Variants in SLCO5A1 observed in about 807,000 individuals in gnomAD.
SLCO5A1 encodes the protein solute carrier organic anion transporter family member 5A1, also known as organic anion transporter polypeptide-related protein 4.
In SLCO5A1, 39 loss-of-function variants were observed where a neutral mutation model predicts 65.1. The observed-to-expected ratio is 0.60, with a 90% CI of 0.46 to 0.78. The LOEUF (loss-of-function observed/expected upper bound fraction) is 0.78, where lower values mean the gene tolerates loss of function less well. SLCO5A1 is among the 30% of genes least tolerant of loss of function. The pLI, the probability that SLCO5A1 is intolerant of heterozygous loss-of-function variation, is 0.00. For missense variants in SLCO5A1, 1,029 were observed against 1,069.4 expected (o/e 0.96, Z 0.53); for synonymous variants, 438 against 415.7 (o/e 1.05, Z -0.65).
intron 5 of SLCO5A1, among the ~76,000 whole-genome samples, chr8:69,726,601 G>T (rs1816090675): frequency 6.7e-6 from 1 of 150,084 alleles, no homozygotes; most frequent in Admixed American, 6.7e-5. Context: ...TTGTGTACAA[G>T]CGATCCTCCC....
chr8:69,683,120 G>T (rs185199818), intron 6 of SLCO5A1, among the ~76,000 whole-genome samples: 2 of 152,290 alleles, frequency 1.3e-5, no homozygotes, highest in East Asian at 3.9e-4. Context: ...GGAAAGGCAG[G>T]TAAGGATATA....
chr8:69,685,380 A>G (rs1309484212), intron 6 of SLCO5A1, among the ~76,000 whole-genome samples: 1 of 152,236 alleles, frequency 6.6e-6, no homozygotes, highest in African/African-American at 2.4e-5. Flanking sequence ...AAAATGCACA[A>G]GGACTATTTA....
rs1460368149 is a variant in SLCO5A1, at chr8:69,831,971, C to T, written c.703G>A (p.Gly235Ser). The T allele has an allele frequency of 6.3e-7, 1 of 1,592,960 alleles. No homozygotes were observed. The highest frequency in any genetic ancestry group is 1.3e-5 in the African/African-American group (1 of 74,174). ...QELNASAPND[G>S]LCQGGNSTAT... ...GTGGAGTTGCCACCCTGACACAGGC[C>T]GTCGTTGGGGGCCGAGGCGTTCAAC... Residue 235 changes from glycine to serine, a missense_variant, in exon 2 of 10, where the codon GGC becomes AGC. Physicochemically the swap from Gly to Ser is moderately conservative, Grantham distance 56. Around this residue, in one of 3 missense-constraint regions of SLCO5A1, gnomAD observed 647 missense variants for 647.5 expected, o/e 1.00. Coordinates refer to ENST00000260126, the MANE Select transcript of SLCO5A1 (RefSeq NM_030958.3).
intron 7 of SLCO5A1, 139 bp from the exon 8 acceptor site, chr8:69,679,758 C>T (rs551903332): frequency 2.6e-5 from 32 of 1,207,688 alleles, no homozygotes; most frequent in Non-Finnish European, 3.1e-5. Flanking sequence ...ATTGAAAGTA[C>T]CTTCCTCATT....
At chr8:69,766,560 TC>T (rs1401096498) in intron 2 of SLCO5A1, among the ~76,000 whole-genome samples, 31 of 152,164 alleles carry the variant, frequency 2.0e-4, no homozygotes, top group African/African-American at 7.5e-4. Flanking sequence ...TTTTGAATGC[TC>T]TTCTGCCACA....
chr8:69,822,855 C>A (rs992175580), intron 2 of SLCO5A1, among the ~76,000 whole-genome samples: 3 of 152,150 alleles, frequency 2.0e-5, no homozygotes, highest in Non-Finnish European at 2.9e-5. Context: ...GCCTCTTTTC[C>A]GGTGCTCTTT....
intron 4 of SLCO5A1, among the ~76,000 whole-genome samples, chr8:69,742,370 T>C (rs1346319633): frequency 6.6e-6 from 1 of 152,074 alleles, no homozygotes; most frequent in African/African-American, 2.4e-5. Flanking sequence ...AAAGATGCAG[T>C]AAAAAGCATG....
chr8:69,711,195 G>T lies in SLCO5A1; in HGVS notation c.1424-5966C>A, dbSNP rs528768394. 1.2e-3 allele frequency among the ~76,000 whole-genome samples: 182 copies of T among 152,294 alleles called. 1 individual carries two copies. The highest frequency in any genetic ancestry group is 4.2e-3 in the African/African-American group (176 of 41,558). On this transcript the variant is annotated intron_variant, in intron 5 of 9. Coordinates refer to ENST00000260126, the MANE Select transcript of SLCO5A1 (RefSeq NM_030958.3). ...GAAAAGATGGGTTCTCCCGGCAGAA[G>T]TTACGGTCCTGCCGCTAGCCCTCTC...
At chr8:69,793,877 T>TTATTGAC (rs1000643684) in intron 2 of SLCO5A1, among the ~76,000 whole-genome samples, 18 of 152,174 alleles carry the variant, frequency 1.2e-4, no homozygotes, top group Non-Finnish European at 2.2e-4. Context: ...TGGCTAAGAT[T>TTATTGAC]TATTGACTGC....
At chr8:69,680,195 T>C (rs1320656644) in intron 7 of SLCO5A1, among the ~76,000 whole-genome samples, 1 of 152,210 alleles carries the variant, frequency 6.6e-6, no homozygotes, top group East Asian at 1.9e-4. Context: ...CACGGGTCTA[T>C]TGTGTGATGC....
chr8:69,753,844 C>G (rs112673246), intron 4 of SLCO5A1, among the ~76,000 whole-genome samples: 1 of 142,616 alleles, frequency 7.0e-6, no homozygotes, highest in African/African-American at 2.7e-5. Flanking sequence ...AATACCATCT[C>G]TGCTAAAAAA....
chr8:69,748,702 GT>G (rs937084409), intron 4 of SLCO5A1, among the ~76,000 whole-genome samples: 64 of 152,276 alleles, frequency 4.2e-4, no homozygotes, highest in African/African-American at 1.5e-3. Flanking sequence ...GGAAAACAAA[GT>G]TTTTCCTAAC....
rs140707046 is a variant in SLCO5A1, at chr8:69,765,154, G to A, written c.908-3279C>T. Among the ~76,000 whole-genome samples the A allele has an allele frequency of 2.1e-3, 320 of 151,948 alleles. 2 individuals carry two copies. The highest frequency in any genetic ancestry group is 7.4e-3 in the African/African-American group (305 of 41,418). On this transcript the variant is annotated intron_variant, in intron 2 of 9. Coordinates refer to ENST00000260126, the MANE Select transcript of SLCO5A1 (RefSeq NM_030958.3). ...TGTGTGTATATATATGTATGTATAC[G>A]TGTGCCTGTGTATGTATATGTATGT... is the stretch of plus-strand genomic sequence containing the variant.
chr8:69,823,333 GAT>G (rs1274007933), intron 2 of SLCO5A1, among the ~76,000 whole-genome samples: 1 of 150,720 alleles, frequency 6.6e-6, no homozygotes, highest in Admixed American at 6.7e-5. Flanking sequence ...TGGCAAATTG[GAT>G]AAAGAGTCAA....
At chr8:69,800,525 C>T (rs577417376) in intron 2 of SLCO5A1, among the ~76,000 whole-genome samples, 4 of 152,274 alleles carry the variant, frequency 2.6e-5, no homozygotes, top group Admixed American at 6.5e-5. Flanking sequence ...AGGAAAATCT[C>T]ACCAAAGGGA....
chr8:69,797,736 G>C (rs368664576), intron 2 of SLCO5A1, among the ~76,000 whole-genome samples: 2 of 152,136 alleles, frequency 1.3e-5, no homozygotes, highest in African/African-American at 4.8e-5. Flanking sequence ...AATAAATTTT[G>C]GTCAGACTGG....
rs187379014 is a variant in SLCO5A1, at chr8:69,809,973, C to G, written c.907+21794G>C. ...GTCATGATCACAAGTCTCACTAACACTGGACTATGCCTAACCCAGTGAGTT... is the reference window on the plus strand; with the variant it reads ...GTCATGATCACAAGTCTCACTAACAGTGGACTATGCCTAACCCAGTGAGTT... On this transcript the variant is annotated intron_variant, in intron 2 of 9. Transcript: ENST00000260126. Among the ~76,000 whole-genome samples, 25 of 152,292 alleles carry G rather than the reference C, an allele frequency of 1.6e-4. No homozygotes were observed. The East Asian group carries it at 4.8e-3, about 29-fold the overall frequency.
At chr8:69,691,661 T>C (rs1267027159) in intron 6 of SLCO5A1, among the ~76,000 whole-genome samples, 1 of 152,224 alleles carries the variant, frequency 6.6e-6, no homozygotes, top group Non-Finnish European at 1.5e-5. Context: ...CAGAATTTCC[T>C]TCTTTTTTAA....
Position 69,832,517 on chromosome 8 carries a change from T to A in SLCO5A1, c.157A>T (p.Thr53Ser). Reference sequence around the variant, plus strand: ...AAGGCCGGGTTGGCGTCTCCACTAGTGGGACTGAGGCTTGGCCGGCAGGAG... The same window carrying A: ...AAGGCCGGGTTGGCGTCTCCACTAGAGGGACTGAGGCTTGGCCGGCAGGAG... ...SASCRPSLSP[T>S]SGDANPAFGC... The change falls in exon 2 of 10, where the codon ACT becomes TCT. Residue 53 changes from threonine to serine, a missense_variant. By Grantham distance (58) the Thr-to-Ser change is moderately conservative. Transcript: ENST00000260126. The surrounding 1 kb of genome is among the most constrained non-coding windows in gnomAD (Gnocchi z 4.5). 6.2e-7 allele frequency: 1 copy of A among 1,609,172 alleles called. No homozygotes were observed. Among genetic ancestry groups the A allele is most frequent in the South Asian group, 1.1e-5 (1 of 90,228 alleles).
Sources: gnomAD v4.1 joint callset for allele counts (sites outside exome capture counted in the v4.1 genomes callset) on GRCh38, gnomAD v4.1.1 for gene constraint, gnomAD v4.1.1 regional missense constraint, Gnocchi (gnomAD v3.1) non-coding constraint, MANE v1.5 for transcripts, NCBI Gene and HGNC (gene_info 2026-07-23, HGNC 2026-07-21) for gene names.